The following ADAM18 variants were observed in gnomAD, a reference collection of about 807,000 sequenced individuals.
ADAM18 encodes ADAM metallopeptidase domain 18.
A neutral mutation model predicts 94.4 loss-of-function variants in ADAM18; 117 were observed. The observed-to-expected ratio is 1.24, with a 90% confidence interval of 1.07 to 1.45. The LOEUF is 1.45. Ranked by LOEUF, ADAM18 falls within the 40% of genes most tolerant of loss-of-function variation. The pLI is 0.00. For synonymous variants in ADAM18, 327 were observed against 291.6 expected, an observed-to-expected ratio of 1.12 and a Z score of -1.24; for missense variants, 936 against 880.0, an observed-to-expected ratio of 1.06 and a Z score of -0.81.
intron 6 of ADAM18, among the ~76,000 whole-genome samples, chr8:39,627,876 ACTC>A (rs1372761160): frequency 3.3e-5 from 5 of 149,792 alleles, no homozygotes; most frequent in Admixed American, 2.7e-4. Flanking sequence ...AAGATGTACA[ACTC>A]CTTTTAGCAT....
Position 39,697,532 on chromosome 8 carries a change from C to G in ADAM18, c.1902+4852C>G, listed in dbSNP as rs140259458. ...TTTTTCACATCATTTATTTTGTCTT[C>G]TATATATTTTAAACATCAGAAACAC... On this transcript the variant is annotated intron_variant, in intron 17 of 19. Transcript: ENST00000265707. Among the ~76,000 whole-genome samples the G allele has an allele frequency of 1.4e-4, 21 of 151,690 alleles. No individual in the cohort carries two copies. In the East Asian group the frequency reaches 4.1e-3, roughly 29 times the overall value.
intron 7 of ADAM18, among the ~76,000 whole-genome samples, chr8:39,631,346 G>C (rs1338723076): frequency 6.6e-6 from 1 of 151,430 alleles, no homozygotes; most frequent in Non-Finnish European, 1.5e-5. Context: ...TAAGTTTTAT[G>C]GTATATTTTT....
chr8:39,586,858 A>G (rs1469983454), intron 2 of ADAM18, among the ~76,000 whole-genome samples: 1 of 151,924 alleles, frequency 6.6e-6, no homozygotes, highest in Non-Finnish European at 1.5e-5. Flanking sequence ...ACTATTGTAC[A>G]TTGTCATTGC....
intron 18 of ADAM18, among the ~76,000 whole-genome samples, chr8:39,713,359 C>T (rs1822473109): frequency 6.6e-6 from 1 of 152,158 alleles, no homozygotes; most frequent in Non-Finnish European, 1.5e-5. Context: ...CTAGGCAATA[C>T]CATTCAGGAC....
intron 11 of ADAM18, among the ~76,000 whole-genome samples, chr8:39,646,556 G>A (rs1291841807): frequency 3.3e-5 from 5 of 152,108 alleles, no homozygotes; most frequent in Admixed American, 2.6e-4. Flanking sequence ...GGGTATGGAT[G>A]GTGAGAGAAA....
chr8:39,689,278 G>T (rs187742943), intron 16 of ADAM18, among the ~76,000 whole-genome samples: 1 of 152,204 alleles, frequency 6.6e-6, no homozygotes, highest in Admixed American at 6.5e-5. Flanking sequence ...TGAAATCATT[G>T]CCTGCGCCTA....
chr8:39,720,844 A>C (rs12114080), intron 18 of ADAM18, among the ~76,000 whole-genome samples: 51,841 of 151,118 alleles, frequency 0.34, 8,973 homozygotes, highest in South Asian at 0.43. Flanking sequence ...CAATGTGGGA[A>C]TATGCAAGCA....
intron 2 of ADAM18, among the ~76,000 whole-genome samples, chr8:39,603,362 G>A (rs1229109991): frequency 6.6e-6 from 1 of 152,124 alleles, no homozygotes; most frequent in Non-Finnish European, 1.5e-5. Flanking sequence ...CTCACTACAG[G>A]CATACCTTAT....
chr8:39,676,584 G>T (rs931863239), intron 14 of ADAM18, among the ~76,000 whole-genome samples: 1 of 110,704 alleles, frequency 9.0e-6, no homozygotes, highest in South Asian at 3.6e-4. Flanking sequence ...GAAATCCCTC[G>T]ACTCCTTGCT....
chr8:39,626,275 C>T (rs1819766492), intron 6 of ADAM18, among the ~76,000 whole-genome samples: 1 of 151,926 alleles, frequency 6.6e-6, no homozygotes, highest in Non-Finnish European at 1.5e-5. Flanking sequence ...ATTTTTATTT[C>T]TAAAACTTCT....
intron 17 of ADAM18, among the ~76,000 whole-genome samples, chr8:39,693,098 A>G (rs943943920): frequency 2.6e-5 from 4 of 151,550 alleles, no homozygotes; most frequent in African/African-American, 9.7e-5. Flanking sequence ...AACTTCACGC[A>G]AAAAGCTTTT....
chr8:39,676,615 C>T lies in ADAM18; in HGVS notation c.1526-816C>T, dbSNP rs534507182. 2.5e-3 allele frequency among the ~76,000 whole-genome samples: 382 copies of T among 152,236 alleles called. 3 individuals are homozygous for T. Among genetic ancestry groups the T allele is most frequent in the African/African-American group, 8.8e-3 (365 of 41,548 alleles). On this transcript the variant is annotated intron_variant, in intron 14 of 19. Coordinates refer to ENST00000265707, the MANE Select transcript of ADAM18 (RefSeq NM_014237.3). ...TTGCTCTTCTTGGGCAGGGGCAACG[C>T]CCCGCCCTGCTTCAGCTCGCCTTCC...
chr8:39,694,487 A>G (rs34113924), intron 17 of ADAM18, among the ~76,000 whole-genome samples: 48,188 of 151,238 alleles, frequency 0.32, 8,603 homozygotes, highest in East Asian at 0.75. Flanking sequence ...AAATGTTTCT[A>G]TCTTATGGAT....
intron 6 of ADAM18, 136 bp from the exon 7 acceptor site, chr8:39,629,238 C>G (rs1336885573): frequency 3.3e-6 from 2 of 602,052 alleles, no homozygotes; most frequent in African/African-American, 4.0e-5. Flanking sequence ...AAATTTTCTA[C>G]ATCAGAATTA....
At chr8:39,590,150 G>T (rs989418858) in intron 2 of ADAM18, among the ~76,000 whole-genome samples, 2 of 151,584 alleles carry the variant, frequency 1.3e-5, no homozygotes, top group East Asian at 1.9e-4. Context: ...GTTTATTGTG[G>T]CATTATTCAC....
intron 6 of ADAM18, among the ~76,000 whole-genome samples, chr8:39,628,237 A>G (rs1205314110): frequency 1.3e-5 from 2 of 152,146 alleles, no homozygotes; most frequent in East Asian, 3.9e-4. Context: ...AAAGTTTAAA[A>G]GACCAAACTC....
chr8:39,646,903 G>T (rs1820395497), intron 11 of ADAM18, among the ~76,000 whole-genome samples: 3 of 152,042 alleles, frequency 2.0e-5, no homozygotes, highest in African/African-American at 7.3e-5. Context: ...GGAGAATGAA[G>T]AGGGGGCACA....
rs1451643890 is a variant in ADAM18, at chr8:39,680,207, C to T, written c.1802C>T (p.Thr601Ile). Residue 601 changes from threonine (T) to isoleucine (I), a missense_variant, in exon 16 of 20, where the codon ACC becomes ATC. Coordinates refer to ENST00000265707, the MANE Select transcript of ADAM18 (RefSeq NM_014237.3). Reference sequence around the variant, plus strand: ...GACAATGCCTATGTGGCTGATGGCACCATGTGTGGTCCAGAAATGGTAACA... The same window carrying T: ...GACAATGCCTATGTGGCTGATGGCATCATGTGTGGTCCAGAAATGGTAACA... ...GTDNAYVADG[T>I]MCGPEMYCVN... 1.2e-6 allele frequency: 2 copies of T among 1,612,112 alleles called. No individual in the cohort carries two copies. The highest frequency in any genetic ancestry group is 3.4e-5 in the Admixed American group (2 of 59,278).
chr8:39,615,720 C>A (rs770169011), intron 6 of ADAM18, among the ~76,000 whole-genome samples: 1 of 152,054 alleles, frequency 6.6e-6, no homozygotes, highest in Non-Finnish European at 1.5e-5. Flanking sequence ...AGAGCAATCA[C>A]GTAAGAGAAA....
Sources: gnomAD v4.1 joint callset for allele counts (sites outside exome capture counted in the v4.1 genomes callset) on GRCh38, gnomAD v4.1.1 for gene constraint, MANE v1.5 for transcripts, NCBI Gene and HGNC (gene_info 2026-07-23, HGNC 2026-07-21) for gene names.